APBB2: variants seen among roughly 807,000 people sequenced by gnomAD.
APBB2 encodes Fe65-like 1.
APBB2 carries 38 observed loss-of-function variants against 82.5 expected under a neutral mutation model. The observed-to-expected ratio is 0.46, with a 90% CI of 0.36 to 0.60. APBB2 has a LOEUF of 0.60. Among genes scored for constraint, APBB2 ranks in the 20% least tolerant of loss-of-function variants. The probability of loss-of-function intolerance (pLI) is 0.00; values close to 1 mark genes in which losing one functional copy is unlikely to be tolerated. For synonymous variants in APBB2, 341 were observed against 368.2 expected, an observed-to-expected ratio of 0.93 and a Z score of 0.85; for missense variants, 772 against 972.3, an observed-to-expected ratio of 0.79 and a Z score of 2.74.
At chr4:41,172,517 T>C (rs1768592660) in intron 1 of APBB2, among the ~76,000 whole-genome samples, 1 of 152,226 alleles carries the variant, frequency 6.6e-6, no homozygotes, top group African/African-American at 2.4e-5. Flanking sequence ...CAAATGATGA[T>C]TTGTTAGGCT....
chr4:40,893,420 C>T lies in APBB2; in HGVS notation c.1255-9G>A. The stretch of plus-strand genomic sequence containing the variant: ...GAACGCACAGCAAAACACTGGAAGA[C>T]AGTGAAAGAGGACAAGAAGTCACTC... On this transcript the variant is annotated splice_polypyrimidine_tract_variant and intron_variant, in intron 10 of 17. Transcript: ENST00000508593. 2 of 1,602,396 alleles carry T rather than the reference C, an allele frequency of 1.2e-6. No individual in the cohort carries two copies. The highest frequency in any genetic ancestry group is 1.7e-6 in the Non-Finnish European group (2 of 1,173,128).
At chr4:40,869,004 C>T (rs866750071) in intron 12 of APBB2, among the ~76,000 whole-genome samples, 7 of 152,106 alleles carry the variant, frequency 4.6e-5, no homozygotes, top group African/African-American at 9.7e-5. Context: ...TGTGTTACCT[C>T]GATTTGTCCC....
At chr4:40,912,467 C>T (rs1778818564) in intron 10 of APBB2, among the ~76,000 whole-genome samples, 1 of 151,982 alleles carries the variant, frequency 6.6e-6, no homozygotes, top group South Asian at 2.1e-4. Flanking sequence ...ATCCCAGATA[C>T]TCAGGAGGCT....
At chr4:41,192,945 C>T (rs1243607122) in intron 1 of APBB2, among the ~76,000 whole-genome samples, 1 of 152,044 alleles carries the variant, frequency 6.6e-6, no homozygotes, top group African/African-American at 2.4e-5. Context: ...CTCACCAATC[C>T]AAGTCACTCG....
intron 4 of APBB2, among the ~76,000 whole-genome samples, chr4:41,043,372 TA>T (rs766475419): frequency 5.9e-5 from 9 of 152,062 alleles, no homozygotes; most frequent in Non-Finnish European, 1.2e-4. Context: ...TAAATAACAC[TA>T]AATGAAAAAA....
intron 4 of APBB2, among the ~76,000 whole-genome samples, chr4:41,060,831 A>G (rs914268317): frequency 2.6e-5 from 4 of 152,192 alleles, no homozygotes; most frequent in African/African-American, 9.7e-5. Flanking sequence ...AAGGCACGTG[A>G]CCCAAAGGCA....
intron 10 of APBB2, among the ~76,000 whole-genome samples, chr4:40,910,389 C>T (rs993846082): frequency 6.6e-6 from 1 of 152,130 alleles, no homozygotes; most frequent in African/African-American, 2.4e-5. Flanking sequence ...AGGCTACGCA[C>T]TACCATACCC....
chr4:41,176,818 G>C (rs1769926848), intron 1 of APBB2, among the ~76,000 whole-genome samples: 1 of 151,890 alleles, frequency 6.6e-6, no homozygotes, highest in Non-Finnish European at 1.5e-5. Context: ...AAAATTATAA[G>C]AAAAAAATTT....
At chr4:41,166,339 C>T (rs1301334863) in intron 1 of APBB2, among the ~76,000 whole-genome samples, 1 of 151,572 alleles carries the variant, frequency 6.6e-6, no homozygotes, top group African/African-American at 2.4e-5. Flanking sequence ...AGTTTGAAAC[C>T]AGCCCAGAGC....
chr4:40,901,759 C>T (rs927993613), intron 10 of APBB2, among the ~76,000 whole-genome samples: 2 of 152,118 alleles, frequency 1.3e-5, no homozygotes, highest in African/African-American at 4.8e-5. Flanking sequence ...ATCCGCTTAC[C>T]CCAGCTCAGC....
chr4:41,160,382 T>G (rs375026810), intron 1 of APBB2, among the ~76,000 whole-genome samples: 13 of 152,288 alleles, frequency 8.5e-5, no homozygotes, highest in African/African-American at 3.1e-4. Flanking sequence ...AGATGACTTT[T>G]TAAATATTAG....
rs746473720 is a variant in APBB2, at chr4:40,934,351, T to C, written c.1254+105A>G. 9.8e-6 allele frequency: 11 copies of C among 1,119,374 alleles called. No homozygotes were observed. The African/African-American group carries it at 1.6e-4, about 16-fold the overall frequency. The allele number at this position is 1,119,374 out of a possible 1,614,324, so 69.3% of individuals were successfully genotyped here. On this transcript the variant is annotated intron_variant, in intron 10 of 17. Transcript: ENST00000508593. ...GAGAAAATTGAGGGATAATTACTTA[T>C]TAAATGGCTCTGGGTTGATGGTTTG...
chr4:40,982,439 AAG>A (rs1485305548), intron 6 of APBB2, among the ~76,000 whole-genome samples: 14 of 140,682 alleles, frequency 1.0e-4, no homozygotes, highest in African/African-American at 3.1e-4. Context: ...GAAAGAAAGA[AAG>A]AAAGAAAGAA....
rs182549033 is a variant in APBB2, at chr4:41,065,107, C to G, written c.-51+469G>C. 4.6e-5 allele frequency among the ~76,000 whole-genome samples: 7 copies of G among 152,090 alleles called. No homozygotes were observed. In the East Asian group the frequency reaches 1.4e-3, roughly 29 times the overall value. On this transcript the variant is annotated intron_variant, in intron 4 of 17. Coordinates refer to ENST00000508593, the MANE Select transcript of APBB2 (RefSeq NM_004307.2). ...GTCAAGACCAGCCTGGGCAACACAG[C>G]AAGACCCCATCTCTACAAAAAATAA...
chr4:41,020,218 G>A (rs1199748016), intron 5 of APBB2, among the ~76,000 whole-genome samples: 2 of 152,216 alleles, frequency 1.3e-5, no homozygotes, highest in African/African-American at 4.8e-5. Context: ...CGAAAGCACT[G>A]AAGCCACTGA....
rs189558570 is a variant in APBB2, at chr4:41,134,863, G to T, written c.-261+8124C>A. ...TTCCCTCCAGCAAACTACCACAGCT[G>T]CCCTCCTTACAGGACACTGCTAACT... On this transcript the variant is annotated intron_variant, in intron 2 of 17. Coordinates refer to ENST00000508593, the MANE Select transcript of APBB2 (RefSeq NM_004307.2). Among the ~76,000 whole-genome samples, 141 of 152,234 alleles carry T rather than the reference G, an allele frequency of 9.3e-4. 2 individuals are homozygous for T. The highest frequency in any genetic ancestry group is 3.3e-3 in the African/African-American group (139 of 41,530).
intron 3 of APBB2, among the ~76,000 whole-genome samples, chr4:41,085,557 A>C (rs1353062356): frequency 2.0e-5 from 3 of 152,192 alleles, no homozygotes; most frequent in Non-Finnish European, 4.4e-5. Flanking sequence ...AAACATAAGG[A>C]AACTTTCCAG....
At chr4:41,178,680 T>G (rs1387893214) in intron 1 of APBB2, among the ~76,000 whole-genome samples, 1 of 152,202 alleles carries the variant, frequency 6.6e-6, no homozygotes, top group African/African-American at 2.4e-5. Flanking sequence ...CTCATAAATT[T>G]TCTCATCTGA....
intron 6 of APBB2, among the ~76,000 whole-genome samples, chr4:40,971,319 A>G (rs1450185214): frequency 6.6e-6 from 1 of 152,152 alleles, no homozygotes; most frequent in Non-Finnish European, 1.5e-5. Context: ...TCTTTCATTA[A>G]TTTTTTTACA....
Sources: allele counts gnomAD v4.1 joint callset (sites outside exome capture counted in the v4.1 genomes callset), GRCh38; gene constraint gnomAD v4.1.1; transcripts MANE v1.5; gene names NCBI Gene and HGNC (gene_info 2026-07-23, HGNC 2026-07-21).